The following NAALADL2 variants were observed in gnomAD, a reference collection of about 807,000 sequenced individuals.
NAALADL2 encodes inactive N-acetylated-alpha-linked acidic dipeptidase-like protein 2.
A neutral mutation model predicts 87.2 loss-of-function variants in NAALADL2; 76 were observed. The observed-to-expected ratio is 0.87, with a 90% CI of 0.72 to 1.05. The LOEUF is 1.05. Ranked by LOEUF, NAALADL2 falls within the 50% of genes least tolerant of loss-of-function variation. The pLI, the probability that NAALADL2 is intolerant of heterozygous loss-of-function variation, is 0.00. For missense variants in NAALADL2, 1,089 were observed against 945.8 expected (o/e 1.15, Z -1.99); for synonymous variants, 354 against 331.0 (o/e 1.07, Z -0.75).
At chr3:174,947,937 G>A (rs1475688182) in intron 1 of NAALADL2, among the ~76,000 whole-genome samples, 2 of 151,902 alleles carry the variant, frequency 1.3e-5, no homozygotes, top group East Asian at 1.9e-4. Context: ...TAATTTTGCT[G>A]TATACCTACA....
chr3:175,419,928 T>A (rs970687816), intron 5 of NAALADL2, among the ~76,000 whole-genome samples: 5 of 151,906 alleles, frequency 3.3e-5, no homozygotes, highest in Non-Finnish European at 7.4e-5. Context: ...CCAGACCCAA[T>A]TAGACACAAG....
chr3:175,112,229 T>G (rs558338207), intron 2 of NAALADL2, among the ~76,000 whole-genome samples: 1 of 151,568 alleles, frequency 6.6e-6, no homozygotes, highest in African/African-American at 2.4e-5. Context: ...AGCCCATGTC[T>G]CTTCTTGGTG....
chr3:175,488,707 C>T (rs1582098673), intron 9 of NAALADL2, among the ~76,000 whole-genome samples: 1 of 152,142 alleles, frequency 6.6e-6, no homozygotes, highest in Non-Finnish European at 1.5e-5. Context: ...ATGCCTGCTC[C>T]ATAGAATTCC....
At chr3:174,734,414 A>G (rs963846015) in intron 2 of NAALADL2, among the ~76,000 whole-genome samples, 4 of 152,134 alleles carry the variant, frequency 2.6e-5, no homozygotes, top group African/African-American at 7.2e-5. Context: ...ACAGGAATTT[A>G]TTTTCACCAG....
chr3:174,718,811 G>T (rs1731443357), intron 2 of NAALADL2, among the ~76,000 whole-genome samples: 1 of 152,110 alleles, frequency 6.6e-6, no homozygotes, highest in South Asian at 2.1e-4. Context: ...ATCAGTAGAA[G>T]GCAACAAATG....
intron 1 of NAALADL2, among the ~76,000 whole-genome samples, chr3:175,008,372 C>T (rs1469317261): frequency 6.6e-6 from 1 of 152,070 alleles, no homozygotes; most frequent in Non-Finnish European, 1.5e-5. Flanking sequence ...CCGAGTGAGA[C>T]CTCGTTTCTA....
intron 9 of NAALADL2, among the ~76,000 whole-genome samples, chr3:175,563,591 C>T (rs1185755957): frequency 3.3e-5 from 5 of 152,194 alleles, no homozygotes; most frequent in Admixed American, 3.3e-4. Flanking sequence ...GTGGATTGAC[C>T]TCCGTTTTAC....
intron 1 of NAALADL2, among the ~76,000 whole-genome samples, chr3:175,087,194 A>T (rs936746378): frequency 6.6e-6 from 1 of 152,220 alleles, no homozygotes; most frequent in African/African-American, 2.4e-5. Flanking sequence ...TTAGATAATT[A>T]TTGAAAAGTT....
intron 5 of NAALADL2, among the ~76,000 whole-genome samples, chr3:175,428,323 T>C (rs1023724351): frequency 2.6e-5 from 4 of 152,286 alleles, no homozygotes; most frequent in South Asian, 2.1e-4. Flanking sequence ...TACATAATGC[T>C]GAAATGAAGG....
At chr3:175,793,476 ATT>A (rs34910826) in intron 13 of NAALADL2, among the ~76,000 whole-genome samples, 1 of 145,360 alleles carries the variant, frequency 6.9e-6, no homozygotes. Flanking sequence ...CGCCCGGCTA[ATT>A]TTTTTTTTTT....
intron 1 of NAALADL2, among the ~76,000 whole-genome samples, chr3:174,861,241 A>AT (rs1303357890): frequency 3.3e-5 from 5 of 152,038 alleles, no homozygotes; most frequent in Non-Finnish European, 7.4e-5. Context: ...TACCAGTTAT[A>AT]TTTGCATCAA....
At chr3:174,468,630 C>T (rs964355281) in intron 1 of NAALADL2, among the ~76,000 whole-genome samples, 6 of 151,908 alleles carry the variant, frequency 3.9e-5, no homozygotes, top group African/African-American at 1.4e-4. Flanking sequence ...ATCTGCCCCT[C>T]TTGGCCTCCC....
intron 1 of NAALADL2, among the ~76,000 whole-genome samples, chr3:174,877,437 C>A (rs1025200345): frequency 6.6e-6 from 1 of 152,064 alleles, no homozygotes; most frequent in African/African-American, 2.4e-5. Context: ...AATCTCCATT[C>A]CATTCTCAAT....
chr3:174,923,993 C>G (rs1357737003), intron 1 of NAALADL2, among the ~76,000 whole-genome samples: 1 of 152,096 alleles, frequency 6.6e-6, no homozygotes, highest in Admixed American at 6.5e-5. Flanking sequence ...ATAGGACTGA[C>G]TAGGTTTTTA....
At chr3:174,816,891 A>C (rs1054720157) in intron 3 of NAALADL2, among the ~76,000 whole-genome samples, 1 of 152,208 alleles carries the variant, frequency 6.6e-6, no homozygotes, top group Non-Finnish European at 1.5e-5. Context: ...CCTGAGCCAC[A>C]GGCCTTGTAG....
intron 2 of NAALADL2, among the ~76,000 whole-genome samples, chr3:174,664,943 C>A (rs935936732): frequency 2.6e-5 from 4 of 152,196 alleles, no homozygotes; most frequent in African/African-American, 7.2e-5. Flanking sequence ...GAAGAATTTT[C>A]AGCATACCAA....
intron 1 of NAALADL2, among the ~76,000 whole-genome samples, chr3:174,924,893 C>T (rs1176310145): frequency 1.3e-5 from 2 of 152,162 alleles, no homozygotes; most frequent in African/African-American, 4.8e-5. Context: ...TGTTCATATC[C>T]TTTGCCCAGT....
At chr3:175,226,475 G>A (rs932358801) in intron 2 of NAALADL2, among the ~76,000 whole-genome samples, 19 of 152,034 alleles carry the variant, frequency 1.2e-4, no homozygotes, top group African/African-American at 3.6e-4. Flanking sequence ...TGGGAAACTA[G>A]CTGCTTTTTC....
At chr3:174,767,657 G>GT (rs1410702482) in intron 3 of NAALADL2, among the ~76,000 whole-genome samples, 11 of 152,230 alleles carry the variant, frequency 7.2e-5, no homozygotes, top group Non-Finnish European at 1.3e-4. Flanking sequence ...ACAAGAGACA[G>GT]TGCCTGATAT....
Sources: allele counts gnomAD v4.1 joint callset (sites outside exome capture counted in the v4.1 genomes callset), GRCh38; gene constraint gnomAD v4.1.1; transcripts MANE v1.5; gene names NCBI Gene and HGNC (gene_info 2026-07-23, HGNC 2026-07-21).